Variants in GCSAML observed in about 807,000 individuals in gnomAD.
GCSAML encodes germinal center associated signaling and motility like, also known as germinal center-associated signaling and motility-like protein.
A neutral mutation model predicts 13.0 loss-of-function variants in GCSAML; 9 were observed. The observed-to-expected ratio is 0.69, with a 90% confidence interval of 0.42 to 1.21. The LOEUF is 1.21. Ranked by LOEUF, GCSAML falls within the 50% of genes most tolerant of loss-of-function variation. The pLI, the probability that GCSAML is intolerant of heterozygous loss-of-function variation, is 0.00. For synonymous variants in GCSAML, 37 were observed against 52.9 expected, an observed-to-expected ratio of 0.70 and a Z score of 1.31; for missense variants, 143 against 153.4, an observed-to-expected ratio of 0.93 and a Z score of 0.36.
intron 1 of GCSAML, chr1:247,519,163 C>T (rs990424716): frequency 2.6e-5 from 4 of 152,358 alleles, no homozygotes; most frequent in Non-Finnish European, 5.9e-5. Context: ...GACTTTGTAT[C>T]TTTGCTTGCA....
intron 1 of GCSAML, among the ~76,000 whole-genome samples, chr1:247,521,403 T>TCC (rs1239581140): frequency 1.3e-5 from 2 of 151,690 alleles, no homozygotes; most frequent in Non-Finnish European, 1.5e-5. Context: ...CCTCTCCCTC[T>TCC]CTTTCCATGG....
intron 1 of GCSAML, among the ~76,000 whole-genome samples, chr1:247,513,580 C>T (rs1329334476): frequency 6.6e-6 from 1 of 152,222 alleles, no homozygotes; most frequent in East Asian, 1.9e-4. Flanking sequence ...GCAGCTAGCT[C>T]AGTGTCTGCC....
intron 2 of GCSAML, among the ~76,000 whole-genome samples, chr1:247,534,146 T>C (rs74152618): frequency 0.013 from 2,023 of 152,312 alleles, 35 homozygotes; most frequent in African/African-American, 0.046. Context: ...TATTTTTATA[T>C]AAGGTGATAA....
At chr1:247,523,535 G>A (rs1446286060) in intron 1 of GCSAML, among the ~76,000 whole-genome samples, 1 of 152,158 alleles carries the variant, frequency 6.6e-6, no homozygotes, top group Non-Finnish European at 1.5e-5. Context: ...TCCCACCCCC[G>A]TGCTTCAGTT....
intron 2 of GCSAML, among the ~76,000 whole-genome samples, chr1:247,534,699 C>T (rs569626746): frequency 1.3e-5 from 2 of 152,254 alleles, no homozygotes; most frequent in African/African-American, 4.8e-5. Flanking sequence ...CAGCTGTGAA[C>T]TTAACTATCA....
chr1:247,575,725 A>C lies in GCSAML; in HGVS notation c.*1343A>C, dbSNP rs1166209954. 1 of 152,246 alleles carries C rather than the reference A, an allele frequency of 6.6e-6. No homozygotes were observed. The highest frequency in any genetic ancestry group is 2.4e-5 in the African/African-American group (1 of 41,474). 9.4% of individuals were successfully genotyped at this position (152,246 alleles called of 1,614,324 possible). On this transcript the variant is annotated 3_prime_UTR_variant, in exon 5 of 5. Transcript: ENST00000366488. ...TGTTCAAATATTAGTAAAAATTGAAAATAAACTTGTGCTTATATTTTGTTT... is the reference window on the plus strand; with the variant it reads ...TGTTCAAATATTAGTAAAAATTGAACATAAACTTGTGCTTATATTTTGTTT...
At chr1:247,535,242 G>A (rs183346998) in intron 2 of GCSAML, among the ~76,000 whole-genome samples, 2 of 152,258 alleles carry the variant, frequency 1.3e-5, no homozygotes, top group Admixed American at 6.5e-5. Flanking sequence ...TTCAACCCAC[G>A]AGATCAAGGC....
chr1:247,527,324 C>T lies in GCSAML; in HGVS notation c.-148+270C>T, dbSNP rs1666721036. ...CCACATAAACTGATGAGGACCTGCA[C>T]TCCTGTCCTGAGTTGACACCCAGCC... On this transcript the variant is annotated intron_variant, in intron 2 of 5. Coordinates refer to the GCSAML transcript ENST00000366489. This position sits in a 1 kb window ranked among gnomAD's most constrained non-coding sequence, Gnocchi z 4.6. The T allele has an allele frequency of 1.3e-5, 3 of 235,746 alleles. No individual in the cohort carries two copies. In the South Asian group the frequency reaches 1.5e-4, roughly 12 times the overall value. 14.6% of individuals were successfully genotyped at this position (235,746 alleles called of 1,614,324 possible).
At chr1:247,533,851 A>G (rs1572323329) in intron 2 of GCSAML, 2 of 152,202 alleles carry the variant, frequency 1.3e-5, no homozygotes, top group Non-Finnish European at 2.9e-5. Flanking sequence ...GAAATTTCAG[A>G]GGACAAAGGT....
chr1:247,545,754 A>G (rs11808992), upstream of GCSAML, among the ~76,000 whole-genome samples: 4 of 152,130 alleles, frequency 2.6e-5, no homozygotes, highest in African/African-American at 9.7e-5. Flanking sequence ...TATTTTTGCT[A>G]TTGAGCTGTG....
At chr1:247,541,372 T>C (rs764201493) in intron 2 of GCSAML, among the ~76,000 whole-genome samples, 1 of 152,150 alleles carries the variant, frequency 6.6e-6, no homozygotes, top group Admixed American at 6.5e-5. Context: ...GGATCACAGT[T>C]GGTGGGGTAG....
chr1:247,574,589 A>C lies in GCSAML; in HGVS notation c.*207A>C. ...ATCATAGAAATTGACACAATGACCT[A>C]AAATATTCTATGTGTTTTTGCTTGT... On this transcript the variant is annotated 3_prime_UTR_variant, in exon 5 of 5. Transcript: ENST00000366488. 1.7e-6 allele frequency: 1 copy of C among 572,192 alleles called. No individual in the cohort carries two copies. Among genetic ancestry groups the C allele is most frequent in the East Asian group, 2.9e-5 (1 of 34,644 alleles). 35.4% of individuals were successfully genotyped at this position (572,192 alleles called of 1,614,324 possible).
upstream of GCSAML, among the ~76,000 whole-genome samples, chr1:247,547,407 A>G (rs1161963982): frequency 6.6e-6 from 1 of 152,208 alleles, no homozygotes; most frequent in Non-Finnish European, 1.5e-5. Flanking sequence ...ATGGGACAGA[A>G]TGGGAGTTAG....
chr1:247,533,865 AT>A (rs1264621256), intron 2 of GCSAML: 1 of 152,056 alleles, frequency 6.6e-6, no homozygotes, highest in African/African-American at 2.4e-5. Context: ...CAAAGGTGAA[AT>A]TTTCCCTCAC....
At chr1:247,521,450 G>T (rs150388085) in intron 1 of GCSAML, among the ~76,000 whole-genome samples, 2,073 of 152,064 alleles carry the variant, frequency 0.014, 44 homozygotes, top group African/African-American at 0.045. Flanking sequence ...GGACTGTACT[G>T]CCGCCATCTT....
intron 2 of GCSAML, among the ~76,000 whole-genome samples, chr1:247,559,502 C>G (rs1668053468): frequency 6.6e-6 from 1 of 152,026 alleles, no homozygotes; most frequent in Admixed American, 6.6e-5. Flanking sequence ...TGAGAAGGTC[C>G]CTGTGACGGG....
chr1:247,537,864 T>C (rs1667276055), intron 2 of GCSAML, among the ~76,000 whole-genome samples: 1 of 152,216 alleles, frequency 6.6e-6, no homozygotes. Flanking sequence ...TTTTTGTAAG[T>C]GTTCCTTATA....
intron 1 of GCSAML, among the ~76,000 whole-genome samples, chr1:247,513,669 G>T (rs531330602): frequency 2.0e-5 from 3 of 152,350 alleles, no homozygotes; most frequent in African/African-American, 7.2e-5. Context: ...TGGTCTGCAG[G>T]TTGCAGAGAT....
At chr1:247,515,983 C>T (rs1278991885) in intron 1 of GCSAML, among the ~76,000 whole-genome samples, 1 of 152,048 alleles carries the variant, frequency 6.6e-6, no homozygotes, top group Non-Finnish European at 1.5e-5. Context: ...GGGGAGGAGA[C>T]CCAGAGAAGG....
Sources: gnomAD v4.1 joint callset for allele counts (sites outside exome capture counted in the v4.1 genomes callset) on GRCh38, gnomAD v4.1.1 for gene constraint, Gnocchi (gnomAD v3.1) non-coding constraint, MANE v1.5 for transcripts, NCBI Gene and HGNC (gene_info 2026-07-23, HGNC 2026-07-21) for gene names.